CHST9: variants seen among roughly 807,000 people sequenced by gnomAD.
The protein encoded by CHST9 is carbohydrate sulfotransferase 9, also known as GalNAc-4-sulfotransferase 2.
Under a neutral mutation model 44.4 loss-of-function variants are expected in CHST9, and 41 were observed. That is an observed-to-expected ratio of 0.92 (90% CI 0.72 to 1.20). The LOEUF is 1.20. Ranked by LOEUF, CHST9 falls within the 50% of genes most tolerant of loss-of-function variation. CHST9 has a pLI of 0.00. For missense variants in CHST9, 504 were observed against 516.5 expected, an observed-to-expected ratio of 0.98 and a Z score of 0.23; for synonymous variants, 171 against 178.4, an observed-to-expected ratio of 0.96 and a Z score of 0.33.
chr18:26,910,023 A>G lies in CHST9; in HGVS notation c.*6236T>C, dbSNP rs1362508504. 1 of 152,166 alleles carries G rather than the reference A, an allele frequency of 6.6e-6. No individual in the cohort carries two copies. Among genetic ancestry groups the G allele is most frequent in the Non-Finnish European group, 1.5e-5 (1 of 68,038 alleles). The allele number at this position is 152,166 out of a possible 1,614,324, so 9.4% of individuals were successfully genotyped here. ...GAAGAGATTTTTGGATGAAGGTTAT[A>G]GAACAGCAGTCTAGAGGCAGCAGTG... On this transcript the variant is annotated 3_prime_UTR_variant, in exon 6 of 6. Coordinates refer to ENST00000618847, the MANE Select transcript of CHST9 (RefSeq NM_031422.6).
intron 2 of CHST9, among the ~76,000 whole-genome samples, chr18:27,075,144 G>A (rs1331330482): frequency 6.7e-6 from 1 of 149,188 alleles, no homozygotes; most frequent in African/African-American, 2.4e-5. Context: ...GAGGGTTTTG[G>A]GGGTTGCTTT....
intron 2 of CHST9, among the ~76,000 whole-genome samples, chr18:27,092,078 T>A (rs1010501390): frequency 5.3e-5 from 8 of 152,222 alleles, no homozygotes; most frequent in African/African-American, 1.7e-4. Flanking sequence ...CGTCCTGGAC[T>A]TTTTTTGGTT....
At chr18:27,060,047 T>C (rs1433902048) in intron 2 of CHST9, among the ~76,000 whole-genome samples, 3 of 152,232 alleles carry the variant, frequency 2.0e-5, no homozygotes, top group Non-Finnish European at 4.4e-5. Context: ...ATTGTCTAGT[T>C]CATTTTAGGT....
chr18:27,034,739 C>T (rs571345102), intron 3 of CHST9, among the ~76,000 whole-genome samples: 2 of 152,314 alleles, frequency 1.3e-5, no homozygotes, highest in South Asian at 4.1e-4. Flanking sequence ...TCAAATGCCT[C>T]CTCCTCAGAG....
chr18:27,183,694 C>T (rs1270614693), intron 1 of CHST9, among the ~76,000 whole-genome samples: 4 of 152,138 alleles, frequency 2.6e-5, no homozygotes, highest in Admixed American at 1.3e-4. Flanking sequence ...AGGAATCATA[C>T]TGTTTGATCG....
At chr18:27,058,092 C>G (rs1162295491) in intron 2 of CHST9, among the ~76,000 whole-genome samples, 1 of 152,200 alleles carries the variant, frequency 6.6e-6, no homozygotes, top group Non-Finnish European at 1.5e-5. Context: ...TGAAGTCAGA[C>G]TGGCAATAGT....
At chr18:27,044,060 TC>T (rs397739936) in intron 3 of CHST9, among the ~76,000 whole-genome samples, 19 of 148,960 alleles carry the variant, frequency 1.3e-4, no homozygotes, top group African/African-American at 4.4e-4. Context: ...AGCGAGCCCT[TC>T]CCCCCCCTTT....
rs562187114 is a variant in CHST9 at position 26,977,981 on chromosome 18, T to C, written c.203-33615A>G. On this transcript the variant is annotated intron_variant, in intron 4 of 5. Coordinates refer to ENST00000618847, the MANE Select transcript of CHST9 (RefSeq NM_031422.6). ...TACTCTTATGTTCATCAGTGAATGC[T>C]AAATGAGTCCCCTTTGTAGATGCAG... Among the ~76,000 whole-genome samples the C allele has an allele frequency of 1.5e-3, 231 of 152,226 alleles. 1 individual carries two copies. Among genetic ancestry groups the C allele is most frequent in the South Asian group, 3.1e-3 (15 of 4,830 alleles).
intron 5 of CHST9, chr18:26,928,131 T>G (rs891339741): frequency 6.5e-6 from 1 of 153,092 alleles, no homozygotes; most frequent in Non-Finnish European, 1.5e-5. Context: ...ATAAACAGCA[T>G]CTCAAGGCAG....
chr18:27,175,185 A>AT (rs1236384123), intron 1 of CHST9, among the ~76,000 whole-genome samples: 1 of 151,818 alleles, frequency 6.6e-6, no homozygotes, highest in Non-Finnish European at 1.5e-5. Flanking sequence ...AATTTCACCT[A>AT]TTTTTTTCTT....
At chr18:26,958,637 AAAAC>A (rs1051725513) in intron 4 of CHST9, among the ~76,000 whole-genome samples, 29 of 152,350 alleles carry the variant, frequency 1.9e-4, no homozygotes, top group African/African-American at 6.0e-4. Context: ...TGAACAAGCA[AAAAC>A]AAACAACCTC....
chr18:27,035,869 A>G (rs1264681645), intron 3 of CHST9, among the ~76,000 whole-genome samples: 1 of 152,080 alleles, frequency 6.6e-6, no homozygotes, highest in Non-Finnish European at 1.5e-5. Flanking sequence ...GTAGATCATA[A>G]GTGTTCTCAA....
chr18:26,955,487 C>A (rs902998410), intron 4 of CHST9, among the ~76,000 whole-genome samples: 1 of 152,106 alleles, frequency 6.6e-6, no homozygotes, highest in Non-Finnish European at 1.5e-5. Flanking sequence ...TAAATATATG[C>A]ACTTTCTTTT....
intron 2 of CHST9, among the ~76,000 whole-genome samples, chr18:27,105,227 A>G (rs1254893263): frequency 1.3e-5 from 2 of 152,168 alleles, no homozygotes; most frequent in Non-Finnish European, 2.9e-5. Flanking sequence ...TTGCATAATA[A>G]AGACAGAATT....
At chr18:26,958,031 CAT>C (rs2056349232) in intron 4 of CHST9, among the ~76,000 whole-genome samples, 1 of 134,410 alleles carries the variant, frequency 7.4e-6, no homozygotes, top group African/African-American at 2.6e-5. Context: ...GGATTACAGG[CAT>C]GCACCACCAC....
chr18:27,089,288 C>G (rs1285152653), intron 2 of CHST9, among the ~76,000 whole-genome samples: 2 of 142,104 alleles, frequency 1.4e-5, no homozygotes, highest in African/African-American at 5.2e-5. Context: ...CCTCCCCCAG[C>G]CCCCCACCCC....
intron 2 of CHST9, among the ~76,000 whole-genome samples, chr18:27,113,190 GA>G (rs34392939): frequency 0.7 from 93,244 of 133,604 alleles, 31,283 homozygotes; most frequent in East Asian, 0.77. Flanking sequence ...CTCCATCTCA[GA>G]AAAAAAAAAA....
chr18:27,136,269 A>G (rs892399824), intron 2 of CHST9, among the ~76,000 whole-genome samples: 1 of 152,238 alleles, frequency 6.6e-6, no homozygotes, highest in African/African-American at 2.4e-5. Flanking sequence ...AAATGAGATC[A>G]GGCTTCACAG....
chr18:27,079,494 C>A (rs931897358), intron 2 of CHST9, among the ~76,000 whole-genome samples: 3 of 152,004 alleles, frequency 2.0e-5, no homozygotes, highest in African/African-American at 4.8e-5. Flanking sequence ...TTAGCACAAT[C>A]TAGTGGTTGT....
Sources: allele counts gnomAD v4.1 joint callset (sites outside exome capture counted in the v4.1 genomes callset), GRCh38; gene constraint gnomAD v4.1.1; transcripts MANE v1.5; gene names NCBI Gene and HGNC (gene_info 2026-07-23, HGNC 2026-07-21).